FRMPD4: variants seen among roughly 807,000 people sequenced by gnomAD.
FRMPD4 encodes FERM and PDZ domain containing 4, also known as FERM and PDZ domain-containing protein 4.
FRMPD4 carries 22 observed loss-of-function variants against 94.1 expected under a neutral mutation model. The observed-to-expected ratio is 0.23, with a 90% CI of 0.17 to 0.33. The LOEUF (loss-of-function observed/expected upper bound fraction) is 0.33, where lower values mean the gene tolerates loss of function less well. FRMPD4 is among the 10% of genes least tolerant of loss of function. The pLI is 1.00. For synonymous variants in FRMPD4, 631 were observed against 548.6 expected (o/e 1.15, Z -2.10); for missense variants, 1,111 against 1,339.9 (o/e 0.83, Z 2.67).
At chrX:12,676,215 C>G (rs1212678088) in intron 5 of FRMPD4, among the ~76,000 whole-genome samples, 2 of 112,162 alleles carry the variant, frequency 1.8e-5, no homozygotes, top group Non-Finnish European at 3.8e-5. Context: ...CATAGCTGCT[C>G]AGAACCTTGG....
intron 2 of FRMPD4, among the ~76,000 whole-genome samples, chrX:12,546,538 C>G (rs983201629): frequency 5.4e-5 from 6 of 111,945 alleles, no homozygotes; most frequent in South Asian, 3.8e-4. Flanking sequence ...GTAGTGTGTC[C>G]TTATGACCAG....
chrX:11,865,926 G>C (rs1287712087), intron 2 of FRMPD4, among the ~76,000 whole-genome samples: 1 of 111,993 alleles, frequency 8.9e-6, no homozygotes. Flanking sequence ...GAATTTGCAA[G>C]TAGGTACAGT....
chrX:12,574,925 C>G (rs2058795227), intron 2 of FRMPD4, among the ~76,000 whole-genome samples: 1 of 112,195 alleles, frequency 8.9e-6, no homozygotes, highest in Non-Finnish European at 1.9e-5. Flanking sequence ...TGACACTCTC[C>G]TAATCTCCTG....
chrX:12,661,256 G>T (rs763555129), intron 4 of FRMPD4, among the ~76,000 whole-genome samples: 55 of 112,411 alleles, frequency 4.9e-4, no homozygotes, highest in Non-Finnish European at 9.4e-4. Context: ...GACAAAAAAA[G>T]ATAAGCAATA....
At chrX:12,361,822 A>G (rs1261453787) in intron 1 of FRMPD4, among the ~76,000 whole-genome samples, 1 of 111,638 alleles carries the variant, frequency 9.0e-6, no homozygotes, top group East Asian at 2.8e-4. Flanking sequence ...TGAAGGCTCT[A>G]GGGAAGCATC....
intron 3 of FRMPD4, among the ~76,000 whole-genome samples, chrX:12,082,485 T>C (rs944785704): frequency 7.1e-5 from 8 of 111,898 alleles, no homozygotes; most frequent in African/African-American, 2.6e-4. Flanking sequence ...GTTTTGGGGA[T>C]GTCTTTATCA....
At chrX:12,183,122 C>CTATCTA (rs765155897) in intron 1 of FRMPD4, among the ~76,000 whole-genome samples, 303 of 110,147 alleles carry the variant, frequency 2.8e-3, no homozygotes, top group African/African-American at 8.9e-3. Flanking sequence ...ATCTATCTAT[C>CTATCTA]TATATATATA....
At chrX:12,556,423 C>T (rs1478964363) in intron 2 of FRMPD4, among the ~76,000 whole-genome samples, 1 of 111,112 alleles carries the variant, frequency 9.0e-6, no homozygotes, top group Non-Finnish European at 1.9e-5. Context: ...GCACTGCCTA[C>T]GGAGGGGGGT....
At position 12,341,343 on chromosome X, in the gene FRMPD4, A is replaced by ATT. The variant is rs1280981290; in HGVS notation, c.42-157328_42-157327dup. On this transcript the variant is annotated intron_variant, in intron 1 of 16. Coordinates refer to ENST00000675598, the MANE Select transcript of FRMPD4 (RefSeq NM_001368397.1). ...ATGAAATATTGTCCTACCTTGAACC[A>ATT]TTTTTTTTTTCTTCATGGGTAAGTT... 3.2e-3 allele frequency among the ~76,000 whole-genome samples: 344 copies of ATT among 107,667 alleles called. 1 individual carries two copies. The highest frequency in any genetic ancestry group is 0.011 in the African/African-American group (314 of 29,366). 93.5% of individuals were successfully genotyped at this position (107,667 alleles called of 115,157 possible). A position where few individuals can be genotyped will look rare whatever the true frequency, so the allele number is the denominator to read the frequency against.
rs1272372756 is a variant in FRMPD4, at chrX:12,193,808, AAGGAAGGAAGGAAGGAAGGAGGG to A, written c.41+54798_41+54820del. Among the ~76,000 whole-genome samples, 63 of 41,115 alleles carry A rather than the reference AAGGAAGGAAGGAAGGAAGGAGGG, an allele frequency of 1.5e-3. 2 individuals are homozygous for A. The East Asian group carries it at 0.025, about 16-fold the overall frequency. 35.7% of individuals were successfully genotyped at this position (41,115 alleles called of 115,157 possible). ...GAAGGAAGGAAGGAAGGAAGGAAGG[AAGGAAGGAAGGAAGGAAGGAGGG>A]AAGGAAGAAAGAAAAGAAAGAAAAA... On this transcript the variant is annotated intron_variant, in intron 1 of 16. Transcript: ENST00000675598.
intron 16 of FRMPD4, among the ~76,000 whole-genome samples, chrX:12,719,561 T>C (rs1363607975): frequency 1.8e-5 from 2 of 112,233 alleles, no homozygotes; most frequent in Non-Finnish European, 3.8e-5. Context: ...TAGTGTCTTT[T>C]CCATACAGGT....
Position 12,723,725 on chromosome X carries a change from A to G in FRMPD4, c.*1867A>G, listed in dbSNP as rs2042282040. 2 of 111,136 alleles carry G rather than the reference A, an allele frequency of 1.8e-5. No individual in the cohort carries two copies. The highest frequency in any genetic ancestry group is 6.5e-5 in the African/African-American group (2 of 30,548). The allele number at this position is 111,136 out of a possible 1,213,427, so 9.2% of individuals were successfully genotyped here. On this transcript the variant is annotated 3_prime_UTR_variant, in exon 17 of 17. Coordinates refer to ENST00000675598, the MANE Select transcript of FRMPD4 (RefSeq NM_001368397.1). ...ATTATCTCATTTAATCATCACAACA[A>G]TCTGCTGGTTTGGACACTATTCTCT...
chrX:12,365,725 C>T (rs1363971752), intron 1 of FRMPD4, among the ~76,000 whole-genome samples: 1 of 112,201 alleles, frequency 8.9e-6, no homozygotes, highest in African/African-American at 3.2e-5. Context: ...AGAAGGGCAC[C>T]TGTCCTGCCA....
intron 1 of FRMPD4, among the ~76,000 whole-genome samples, chrX:11,852,533 C>A (rs2053630553): frequency 9.1e-6 from 1 of 110,482 alleles, no homozygotes; most frequent in African/African-American, 3.3e-5. Flanking sequence ...TGATGTGTCA[C>A]CCAGTCTATA....
intron 1 of FRMPD4, among the ~76,000 whole-genome samples, chrX:12,148,376 G>A (rs1225628169): frequency 8.9e-6 from 1 of 112,456 alleles, no homozygotes; most frequent in Admixed American, 9.4e-5. Context: ...ACAACATTCC[G>A]TTAAGCCAAA....
At chrX:12,452,366 G>A (rs765035752) in intron 1 of FRMPD4, among the ~76,000 whole-genome samples, 1 of 111,595 alleles carries the variant, frequency 9.0e-6, no homozygotes, top group Admixed American at 9.5e-5. Context: ...TTTAATATCT[G>A]CATCATATTC....
At chrX:12,573,826 G>A (rs1382915971) in intron 2 of FRMPD4, among the ~76,000 whole-genome samples, 2 of 111,993 alleles carry the variant, frequency 1.8e-5, no homozygotes, top group East Asian at 5.6e-4. Flanking sequence ...TTTTTTGGAT[G>A]TGTGATCTCA....
chrX:11,835,125 G>A (rs1291410478), intron 1 of FRMPD4, among the ~76,000 whole-genome samples: 1 of 111,659 alleles, frequency 9.0e-6, no homozygotes, highest in Non-Finnish European at 1.9e-5. Flanking sequence ...TGCTCTATGA[G>A]TTAAAATGAG....
In FRMPD4 at chrX:12,447,310, C is replaced by T. The variant is rs1474838578; in HGVS notation, c.42-51370C>T. 2.7e-5 allele frequency among the ~76,000 whole-genome samples: 3 copies of T among 110,980 alleles called. No individual in the cohort carries two copies. In the East Asian group the frequency reaches 8.4e-4, roughly 31 times the overall value. On this transcript the variant is annotated intron_variant, in intron 1 of 16. Transcript: ENST00000675598. Reference sequence around the variant, plus strand: ...CAGCATCCCTGGCCTTAATGCTAGACGTCATAAGCACTGCTTTTCACCCCC... The same window carrying T: ...CAGCATCCCTGGCCTTAATGCTAGATGTCATAAGCACTGCTTTTCACCCCC...
Sources: gnomAD v4.1 joint callset for allele counts (sites outside exome capture counted in the v4.1 genomes callset) on GRCh38, gnomAD v4.1.1 for gene constraint, MANE v1.5 for transcripts, NCBI Gene and HGNC (gene_info 2026-07-23, HGNC 2026-07-21) for gene names.